GRID1: variants seen among roughly 807,000 people sequenced by gnomAD.
GRID1 encodes glutamate ionotropic receptor delta type subunit 1.
GRID1 carries 28 observed loss-of-function variants against 98.0 expected under a neutral mutation model. The observed-to-expected ratio is 0.29, with a 90% CI of 0.21 to 0.39. The LOEUF (loss-of-function observed/expected upper bound fraction) is 0.39. GRID1 is among the 10% of genes least tolerant of loss of function. The pLI, the probability that GRID1 is intolerant of heterozygous loss-of-function variation, is 1.00. For synonymous variants in GRID1, 553 were observed against 538.5 expected, an observed-to-expected ratio of 1.03 and a Z score of -0.37; for missense variants, 1,111 against 1,340.5, an observed-to-expected ratio of 0.83 and a Z score of 2.67.
chr10:85,717,755 C>A (rs1261333661), intron 12 of GRID1, among the ~76,000 whole-genome samples: 2 of 152,166 alleles, frequency 1.3e-5, no homozygotes, highest in African/African-American at 4.8e-5. Flanking sequence ...TGAGACAAGG[C>A]AAGTCCCTTC....
chr10:85,830,546 TGCAAAC>T (rs1842858877), intron 8 of GRID1, among the ~76,000 whole-genome samples: 2 of 122 alleles, frequency 0.016, no homozygotes, highest in African/African-American at 0.028. Flanking sequence ...AGAAAAATTT[TGCAAAC>T]TATGCAAACT....
chr10:85,766,647 G>A (rs929974845), intron 8 of GRID1, among the ~76,000 whole-genome samples: 1 of 151,532 alleles, frequency 6.6e-6, no homozygotes, highest in Non-Finnish European at 1.5e-5. Flanking sequence ...AATTCAAAAG[G>A]ATTATCATAT....
At chr10:86,288,428 T>G (rs1847466122) in intron 2 of GRID1, among the ~76,000 whole-genome samples, 1 of 152,182 alleles carries the variant, frequency 6.6e-6, no homozygotes, top group Non-Finnish European at 1.5e-5. Context: ...TCATTCAGCT[T>G]AATATGCCTA....
intron 8 of GRID1, among the ~76,000 whole-genome samples, chr10:85,739,665 T>C (rs538246720): frequency 2.0e-5 from 3 of 152,212 alleles, no homozygotes; most frequent in African/African-American, 4.8e-5. Context: ...TTTAATTACA[T>C]GGAGCTAGAT....
intron 2 of GRID1, among the ~76,000 whole-genome samples, chr10:86,293,445 A>T (rs73338207): frequency 0.073 from 11,115 of 152,214 alleles, 1,132 homozygotes; most frequent in African/African-American, 0.24. Context: ...TGCCTTGGGG[A>T]TGGGGTAGGC....
intron 8 of GRID1, among the ~76,000 whole-genome samples, chr10:85,781,506 T>C (rs1271660526): frequency 2.0e-5 from 3 of 152,218 alleles, no homozygotes; most frequent in South Asian, 2.1e-4. Context: ...AGCTGCAGTA[T>C]AGCAGTGGCT....
chr10:85,901,227 T>TTTTATTTATTTATTTA (rs34330928), intron 5 of GRID1, among the ~76,000 whole-genome samples: 149 of 146,338 alleles, frequency 1.0e-3, no homozygotes, highest in African/African-American at 3.4e-3. Context: ...TTTTATTTTA[T>TTTTATTTATTTATTTA]TTTATTTATT....
At chr10:85,769,763 G>A (rs1187084676) in intron 8 of GRID1, among the ~76,000 whole-genome samples, 1 of 152,250 alleles carries the variant, frequency 6.6e-6, no homozygotes, top group African/African-American at 2.4e-5. Context: ...GCGGCAGTGA[G>A]GCTGGGGGAG....
chr10:85,759,284 A>G (rs1189284531), intron 8 of GRID1, among the ~76,000 whole-genome samples: 1 of 152,150 alleles, frequency 6.6e-6, no homozygotes, highest in African/African-American at 2.4e-5. Context: ...GCATCCCAGT[A>G]TGATGGACCA....
In GRID1 at chr10:85,647,243, C is replaced by T. The variant is rs745323059; in HGVS notation, c.2152G>A (p.Ala718Thr). 1.2e-6 allele frequency: 2 copies of T among 1,614,234 alleles called. No homozygotes were observed. The highest frequency in any genetic ancestry group is 1.3e-5 in the African/African-American group (1 of 75,064). The change falls in exon 13 of 16, where the codon GCT becomes ACT. Residue 718 changes from alanine to threonine, a missense_variant. Ala to Thr is a moderately conservative substitution (Grantham distance 58). Coordinates refer to ENST00000327946, the MANE Select transcript of GRID1 (RefSeq NM_017551.3). Reference sequence around the variant, plus strand: ...GAAGGACTGGACACGCAGTTGTCAGCCCCTCCGTTCTTGCTGATGGTCCGC... The same window carrying T: ...GAAGGACTGGACACGCAGTTGTCAGTCCCTCCGTTCTTGCTGATGGTCCGC... ...LWRTISKNGG[A>T]DNCVSSPSEG...
intron 4 of GRID1, among the ~76,000 whole-genome samples, chr10:86,126,037 T>G (rs2131962916): frequency 6.6e-6 from 1 of 152,206 alleles, no homozygotes; most frequent in East Asian, 1.9e-4. Flanking sequence ...TCCCCTAATC[T>G]CCACATTGTT....
At chr10:85,787,144 G>T (rs1842437141) in intron 8 of GRID1, among the ~76,000 whole-genome samples, 1 of 152,200 alleles carries the variant, frequency 6.6e-6, no homozygotes, top group African/African-American at 2.4e-5. Flanking sequence ...CCCATTGGTA[G>T]CTGAAGAGAC....
intron 4 of GRID1, among the ~76,000 whole-genome samples, chr10:86,021,046 ACCTGCCTGCCTGCCTG>A (rs57361811): frequency 6.6e-6 from 1 of 151,494 alleles, no homozygotes; most frequent in Non-Finnish European, 1.5e-5. Context: ...ATTCAACCTG[ACCTGCCTGCCTGCCTG>A]CCTGCCTGCC....
At chr10:86,226,343 TCC>T (rs1846344567) in intron 2 of GRID1, among the ~76,000 whole-genome samples, 1 of 4,730 alleles carries the variant, frequency 2.1e-4, no homozygotes, top group African/African-American at 7.6e-4. Flanking sequence ...CAGCATACCC[TCC>T]CACCCCAGCA....
At chr10:85,816,460 C>A (rs945771563) in intron 8 of GRID1, among the ~76,000 whole-genome samples, 19 of 152,104 alleles carry the variant, frequency 1.2e-4, no homozygotes, top group African/African-American at 4.3e-4. Context: ...TTATAAAATT[C>A]TTGTAAAGTC....
chr10:85,670,125 G>A (rs1455331127), intron 12 of GRID1, among the ~76,000 whole-genome samples: 1 of 152,118 alleles, frequency 6.6e-6, no homozygotes, highest in Non-Finnish European at 1.5e-5. Flanking sequence ...GGGAAATGCT[G>A]GACACGACAG....
intron 2 of GRID1, among the ~76,000 whole-genome samples, chr10:86,216,234 G>A (rs1323015547): frequency 6.6e-6 from 1 of 152,120 alleles, no homozygotes; most frequent in Non-Finnish European, 1.5e-5. Flanking sequence ...AATCCCTAAG[G>A]TCACAAGAGG....
chr10:86,348,761 A>G lies in GRID1; in HGVS notation c.235+15180T>C, dbSNP rs115679003. On this transcript the variant is annotated intron_variant, in intron 2 of 15. Transcript: ENST00000327946. Reference sequence around the variant, plus strand: ...CACCTGACATCCAGGAGCTCCCGGAAGCATTCACCAGTGCCGATCAGTGCG... The same window carrying G: ...CACCTGACATCCAGGAGCTCCCGGAGGCATTCACCAGTGCCGATCAGTGCG... Among the ~76,000 whole-genome samples the G allele has an allele frequency of 5.7e-3, 864 of 152,366 alleles. 7 individuals are homozygous for G. Among genetic ancestry groups the G allele is most frequent in the African/African-American group, 0.02 (811 of 41,580 alleles).
chr10:86,231,271 G>T (rs1328496633), intron 2 of GRID1, among the ~76,000 whole-genome samples: 2 of 152,222 alleles, frequency 1.3e-5, no homozygotes, highest in African/African-American at 4.8e-5. Flanking sequence ...TCTCCCAGGA[G>T]GGAGGCAGGG....
Sources: allele counts gnomAD v4.1 joint callset (sites outside exome capture counted in the v4.1 genomes callset), GRCh38; gene constraint gnomAD v4.1.1; transcripts MANE v1.5; gene names NCBI Gene and HGNC (gene_info 2026-07-23, HGNC 2026-07-21).